Variants in KCND2 observed in about 807,000 individuals in gnomAD.
KCND2 encodes potassium voltage-gated channel subfamily D member 2.
KCND2 carries 16 observed loss-of-function variants against 54.4 expected under a neutral mutation model. The ratio of observed to expected loss-of-function variants is 0.29; its 90% CI spans 0.20 to 0.45. KCND2 has a LOEUF of 0.45. Among genes scored for constraint, KCND2 ranks in the 20% least tolerant of loss-of-function variants. KCND2 has a pLI of 1.00. For missense variants in KCND2, 486 were observed against 824.2 expected (o/e 0.59, Z 5.02); for synonymous variants, 317 against 310.7 (o/e 1.02, Z -0.21).
intron 1 of KCND2, among the ~76,000 whole-genome samples, chr7:120,351,414 T>A (rs10246673): frequency 1.4e-3 from 201 of 139,352 alleles, no homozygotes; most frequent in African/African-American, 5.1e-3. Context: ...ACACACACAC[T>A]CTCTCTCTCT....
At chr7:120,411,630 G>C (rs1490298116) in intron 1 of KCND2, among the ~76,000 whole-genome samples, 1 of 151,840 alleles carries the variant, frequency 6.6e-6, no homozygotes, top group African/African-American at 2.4e-5. Flanking sequence ...GAAGAGGAAG[G>C]ATGAGTACCA....
At chr7:120,470,021 G>C (rs953512199) in intron 1 of KCND2, among the ~76,000 whole-genome samples, 1 of 151,964 alleles carries the variant, frequency 6.6e-6, no homozygotes, top group Admixed American at 6.6e-5. Flanking sequence ...TCTCTGATGG[G>C]GTGGAATACA....
chr7:120,539,149 CA>C (rs1156347833), intron 1 of KCND2, among the ~76,000 whole-genome samples: 1 of 151,754 alleles, frequency 6.6e-6, no homozygotes, highest in African/African-American at 2.4e-5. Flanking sequence ...TGATTATAAC[CA>C]AAAAGTCAAC....
chr7:120,741,025 GA>G (rs1276213772), intron 2 of KCND2: 6 of 260,444 alleles, frequency 2.3e-5, no homozygotes, highest in Non-Finnish European at 4.5e-5. Context: ...GGAGGATGCA[GA>G]TATAGATGAA....
intron 1 of KCND2, among the ~76,000 whole-genome samples, chr7:120,311,204 A>C (rs1799731873): frequency 6.6e-6 from 1 of 152,192 alleles, no homozygotes; most frequent in Non-Finnish European, 1.5e-5. Context: ...CCTATTAGCA[A>C]AACTGTGCTC....
chr7:120,503,580 T>G (rs1221473535), intron 1 of KCND2, among the ~76,000 whole-genome samples: 1 of 151,988 alleles, frequency 6.6e-6, no homozygotes, highest in East Asian at 1.9e-4. Context: ...TTCTCTTTCC[T>G]TGACCCTTCT....
In KCND2 at chr7:120,299,222, GTTA is replaced by G. The variant is rs1157540623; in HGVS notation, c.1115+23484_1115+23486del. 7.9e-5 allele frequency among the ~76,000 whole-genome samples: 12 copies of G among 152,250 alleles called. No homozygotes were observed. The South Asian group carries it at 1.0e-3, about 13-fold the overall frequency. ...TAAAGTATATCATTTAGTCTTGCTT[GTTA>G]TTATTATTTTCTTACTACCACTTTT... On this transcript the variant is annotated intron_variant, in intron 1 of 5. Coordinates refer to ENST00000331113, the MANE Select transcript of KCND2 (RefSeq NM_012281.3).
intron 1 of KCND2, among the ~76,000 whole-genome samples, chr7:120,678,036 G>A (rs548836982): frequency 6.6e-6 from 1 of 151,944 alleles, no homozygotes; most frequent in African/African-American, 2.4e-5. Flanking sequence ...AACTGTCAGT[G>A]GAATAGATGG....
intron 1 of KCND2, among the ~76,000 whole-genome samples, chr7:120,336,998 T>C (rs1008232185): frequency 1.3e-5 from 2 of 152,166 alleles, no homozygotes; most frequent in African/African-American, 4.8e-5. Flanking sequence ...AAAATTTAGT[T>C]AACTTTTGTT....
intron 1 of KCND2, among the ~76,000 whole-genome samples, chr7:120,569,577 C>T (rs1168774826): frequency 6.6e-6 from 1 of 151,916 alleles, no homozygotes; most frequent in Non-Finnish European, 1.5e-5. Context: ...AAAGAGAAAC[C>T]ATTAATTGTT....
At chr7:120,295,922 C>G (rs1799507602) in intron 1 of KCND2, among the ~76,000 whole-genome samples, 1 of 151,914 alleles carries the variant, frequency 6.6e-6, no homozygotes, top group Non-Finnish European at 1.5e-5. Flanking sequence ...TTGGGACATT[C>G]CAAAATTCAG....
intron 1 of KCND2, among the ~76,000 whole-genome samples, chr7:120,457,068 C>A (rs377405558): frequency 3.3e-5 from 5 of 152,184 alleles, no homozygotes; most frequent in African/African-American, 1.2e-4. Context: ...GGTATACATT[C>A]GCCCCTTTTG....
At chr7:120,457,751 C>T (rs1802220802) in intron 1 of KCND2, among the ~76,000 whole-genome samples, 1 of 152,164 alleles carries the variant, frequency 6.6e-6, no homozygotes, top group Non-Finnish European at 1.5e-5. Context: ...ACTGTTCCAA[C>T]CTCTGCCTGT....
chr7:120,671,254 G>A (rs1195601750), intron 1 of KCND2, among the ~76,000 whole-genome samples: 1 of 151,986 alleles, frequency 6.6e-6, no homozygotes, highest in Non-Finnish European at 1.5e-5. Context: ...TTTTCATTAG[G>A]AGCATGCAAC....
At chr7:120,286,821 T>C (rs1799352400) in intron 1 of KCND2, among the ~76,000 whole-genome samples, 1 of 152,046 alleles carries the variant, frequency 6.6e-6, no homozygotes, top group Non-Finnish European at 1.5e-5. Flanking sequence ...TTTTACTCTG[T>C]GCATTTTCAA....
intron 1 of KCND2, among the ~76,000 whole-genome samples, chr7:120,352,210 A>G (rs946214747): frequency 1.3e-5 from 2 of 152,094 alleles, no homozygotes; most frequent in Middle Eastern, 6.8e-3. Flanking sequence ...TGCTGGGATT[A>G]CAGGCATGAG....
chr7:120,646,195 G>A (rs983515931), intron 1 of KCND2, among the ~76,000 whole-genome samples: 14 of 152,204 alleles, frequency 9.2e-5, no homozygotes, highest in Non-Finnish European at 1.5e-5. Context: ...AGCCCAATAA[G>A]TGATTCTCTG....
intron 1 of KCND2, among the ~76,000 whole-genome samples, chr7:120,598,973 A>T (rs1456814833): frequency 2.0e-5 from 3 of 152,158 alleles, no homozygotes; most frequent in African/African-American, 7.2e-5. Context: ...ACATTTAGGT[A>T]GCCGATCCAT....
chr7:120,374,678 A>G (rs1475650688), intron 1 of KCND2, among the ~76,000 whole-genome samples: 1 of 151,816 alleles, frequency 6.6e-6, no homozygotes, highest in Admixed American at 6.6e-5. Context: ...GTCCTTCTTC[A>G]TGTGGCTTTG....
Sources: allele counts gnomAD v4.1 joint callset (sites outside exome capture counted in the v4.1 genomes callset), GRCh38; gene constraint gnomAD v4.1.1; transcripts MANE v1.5; gene names NCBI Gene and HGNC (gene_info 2026-07-23, HGNC 2026-07-21).